Variants in CSMD1 observed in about 807,000 individuals in gnomAD.
CSMD1 encodes CUB and Sushi multiple domains 1, also known as CUB and sushi domain-containing protein 1.
Under a neutral mutation model 417.5 loss-of-function variants are expected in CSMD1, and 213 were observed. The ratio of observed to expected loss-of-function variants is 0.51; its 90% CI spans 0.46 to 0.57. The LOEUF is 0.57. Ranked by LOEUF, CSMD1 falls within the 20% of genes least tolerant of loss-of-function variation. The pLI is 0.00. For synonymous variants in CSMD1, 2,862 were observed against 1,736.8 expected, an observed-to-expected ratio of 1.65 and a Z score of -16.11; for missense variants, 6,923 against 4,529.7, an observed-to-expected ratio of 1.53 and a Z score of -15.17.
chr8:4,310,054 G>A (rs1277615345), intron 3 of CSMD1, among the ~76,000 whole-genome samples: 1 of 152,164 alleles, frequency 6.6e-6, no homozygotes, highest in Non-Finnish European at 1.5e-5. Context: ...GTAATGGAAA[G>A]ATGAAGTATC....
chr8:3,755,927 T>A (rs1436396625), intron 5 of CSMD1, among the ~76,000 whole-genome samples: 1 of 152,082 alleles, frequency 6.6e-6, no homozygotes, highest in African/African-American at 2.4e-5. Flanking sequence ...TTTTTTTATT[T>A]TTCTGGTGAG....
intron 10 of CSMD1, among the ~76,000 whole-genome samples, chr8:3,574,647 T>G (rs566919283): frequency 6.6e-6 from 1 of 152,178 alleles, no homozygotes; most frequent in Non-Finnish European, 1.5e-5. Flanking sequence ...TGTAATATAG[T>G]GGATGAGACC....
At chr8:4,405,538 T>C (rs1039997224) in intron 3 of CSMD1, among the ~76,000 whole-genome samples, 1 of 152,092 alleles carries the variant, frequency 6.6e-6, no homozygotes, top group African/African-American at 2.4e-5. Flanking sequence ...TTATAGTAAG[T>C]GCCATGAAAC....
intron 7 of CSMD1, among the ~76,000 whole-genome samples, chr8:3,670,578 G>GGATATATATATTGCAT (rs1417510353): frequency 4.6e-5 from 5 of 109,516 alleles, no homozygotes; most frequent in Admixed American, 9.1e-5. Context: ...ATATATATGG[G>GGATATATATATTGCAT]ATATATATGG....
At chr8:4,457,217 G>A (rs770672298) in intron 2 of CSMD1, among the ~76,000 whole-genome samples, 4 of 152,026 alleles carry the variant, frequency 2.6e-5, no homozygotes, top group Non-Finnish European at 5.9e-5. Context: ...AGGGAAGGGG[G>A]GAACTCATCT....
intron 3 of CSMD1, among the ~76,000 whole-genome samples, chr8:4,311,486 G>A (rs1798565645): frequency 1.3e-5 from 2 of 152,100 alleles, no homozygotes; most frequent in South Asian, 2.1e-4. Flanking sequence ...ATTTCAGAAG[G>A]CCAAGTTGGG....
intron 3 of CSMD1, among the ~76,000 whole-genome samples, chr8:4,373,530 A>G (rs1584974983): frequency 6.6e-6 from 1 of 152,182 alleles, no homozygotes; most frequent in African/African-American, 2.4e-5. Flanking sequence ...CTACTGCATT[A>G]TTCCTCTCAC....
chr8:3,618,199 T>A (rs187522540), intron 7 of CSMD1, among the ~76,000 whole-genome samples: 154 of 151,928 alleles, frequency 1.0e-3, no homozygotes, highest in African/African-American at 3.6e-3. Flanking sequence ...AGAGATGGAG[T>A]CTCACTATGT....
At chr8:4,319,747 C>T (rs969035172) in intron 3 of CSMD1, among the ~76,000 whole-genome samples, 6 of 151,956 alleles carry the variant, frequency 3.9e-5, no homozygotes, top group Non-Finnish European at 7.4e-5. Context: ...TGCCGGGGGG[C>T]CAAAGGCTGC....
At chr8:4,534,700 G>T (rs1797011772) in intron 2 of CSMD1, among the ~76,000 whole-genome samples, 1 of 152,072 alleles carries the variant, frequency 6.6e-6, no homozygotes, top group Non-Finnish European at 1.5e-5. Context: ...TTGGTATTCG[G>T]TCCCTGTGTT....
chr8:4,577,546 C>A (rs558942441), intron 2 of CSMD1, among the ~76,000 whole-genome samples: 1 of 152,156 alleles, frequency 6.6e-6, no homozygotes. Context: ...GTGTGGCCCA[C>A]GGCATCCTTC....
At chr8:3,882,454 T>C (rs1287602240) in intron 5 of CSMD1, among the ~76,000 whole-genome samples, 1 of 152,142 alleles carries the variant, frequency 6.6e-6, no homozygotes, top group African/African-American at 2.4e-5. Context: ...TACACTACGG[T>C]GGTATTACAA....
At chr8:4,463,169 A>C (rs1042791748) in intron 2 of CSMD1, among the ~76,000 whole-genome samples, 1 of 152,316 alleles carries the variant, frequency 6.6e-6, no homozygotes, top group African/African-American at 2.4e-5. Context: ...ACAAATGGCC[A>C]AGAAGCCCGT....
chr8:3,197,665 C>T (rs1023636829), intron 33 of CSMD1, among the ~76,000 whole-genome samples: 7 of 151,772 alleles, frequency 4.6e-5, no homozygotes, highest in African/African-American at 9.7e-5. Context: ...GGGGTTTCAC[C>T]ATGTTAGCCA....
At chr8:4,184,224 C>T (rs1225258211) in intron 3 of CSMD1, among the ~76,000 whole-genome samples, 4 of 152,092 alleles carry the variant, frequency 2.6e-5, no homozygotes, top group African/African-American at 7.2e-5. Flanking sequence ...TAACTGTAAG[C>T]AGAGACAATA....
intron 3 of CSMD1, among the ~76,000 whole-genome samples, chr8:4,182,584 A>C (rs1467587909): frequency 6.6e-6 from 1 of 152,198 alleles, no homozygotes; most frequent in Non-Finnish European, 1.5e-5. Flanking sequence ...AAAAGAATTT[A>C]GCATTCTACT....
intron 1 of CSMD1, among the ~76,000 whole-genome samples, chr8:4,748,684 G>C (rs1490617450): frequency 6.6e-6 from 1 of 152,156 alleles, no homozygotes; most frequent in Non-Finnish European, 1.5e-5. Context: ...AAGTTTGTAG[G>C]GGGTGAATAG....
At chr8:4,752,858 G>A (rs1485015842) in intron 1 of CSMD1, among the ~76,000 whole-genome samples, 1 of 152,182 alleles carries the variant, frequency 6.6e-6, no homozygotes, top group East Asian at 1.9e-4. Flanking sequence ...TGAGGAACTA[G>A]GCAGATCAGC....
intron 6 of CSMD1, among the ~76,000 whole-genome samples, chr8:3,720,836 G>C (rs1016212353): frequency 2.0e-5 from 3 of 151,672 alleles, no homozygotes; most frequent in Non-Finnish European, 4.4e-5. Context: ...TTTTTTTCGA[G>C]AGTCTCGCTC....
Sources: allele counts gnomAD v4.1 joint callset (sites outside exome capture counted in the v4.1 genomes callset), GRCh38; gene constraint gnomAD v4.1.1; transcripts MANE v1.5; gene names NCBI Gene and HGNC (gene_info 2026-07-23, HGNC 2026-07-21).